Variants in LNX2 observed in about 807,000 individuals in gnomAD.
The protein encoded by LNX2 is ligand of Numb protein X 2.
In LNX2, 35 loss-of-function variants were observed where a neutral mutation model predicts 66.2. That is an observed-to-expected ratio of 0.53 (90% confidence interval 0.40 to 0.70). The LOEUF (loss-of-function observed/expected upper bound fraction) is 0.70, where lower values mean the gene tolerates loss of function less well. LNX2 is among the 30% of genes least tolerant of loss of function. The probability of loss-of-function intolerance (pLI) is 0.00; values close to 1 mark genes in which losing one functional copy is unlikely to be tolerated. For missense variants in LNX2, 791 were observed against 850.8 expected, an observed-to-expected ratio of 0.93 and a Z score of 0.87; for synonymous variants, 337 against 315.6, an observed-to-expected ratio of 1.07 and a Z score of -0.72.
chr13:27,577,616 TA>T (rs1398834375), intron 2 of LNX2, among the ~76,000 whole-genome samples: 5 of 152,224 alleles, frequency 3.3e-5, no homozygotes, highest in African/African-American at 1.2e-4. Context: ...AACTTGAACT[TA>T]AGGTTTCATA....
intron 1 of LNX2, among the ~76,000 whole-genome samples, chr13:27,606,308 C>A (rs1955715148): frequency 6.7e-6 from 1 of 149,024 alleles, no homozygotes; most frequent in Admixed American, 6.7e-5. Flanking sequence ...ATGAAGATGC[C>A]CAGATTAATT....
chr13:27,588,021 C>CAAAAA (rs56812051), intron 1 of LNX2, among the ~76,000 whole-genome samples: 19 of 93,504 alleles, frequency 2.0e-4, no homozygotes, highest in Non-Finnish European at 2.9e-4. Flanking sequence ...ACTCTTGTCA[C>CAAAAA]AAAAAAAAAA....
At chr13:27,619,033 G>A (rs1268494001) in intron 1 of LNX2, among the ~76,000 whole-genome samples, 6 of 152,362 alleles carry the variant, frequency 3.9e-5, no homozygotes, top group African/African-American at 1.4e-4. Flanking sequence ...TGGCTGGCAT[G>A]CAGTAGGTAC....
intron 6 of LNX2, among the ~76,000 whole-genome samples, chr13:27,557,310 T>C (rs188015790): frequency 2.0e-5 from 3 of 152,220 alleles, no homozygotes; most frequent in Admixed American, 1.3e-4. Flanking sequence ...AGGGAGGTCA[T>C]GTAACTTGTC....
At chr13:27,583,206 GT>G (rs1955425771) in intron 1 of LNX2, among the ~76,000 whole-genome samples, 8 of 18,012 alleles carry the variant, frequency 4.4e-4, no homozygotes, top group Non-Finnish European at 6.3e-4. Flanking sequence ...GTGTGTGTGT[GT>G]GTGTGTGTGT....
intron 2 of LNX2, among the ~76,000 whole-genome samples, chr13:27,574,618 G>A (rs192126866): frequency 1.3e-5 from 2 of 151,968 alleles, no homozygotes; most frequent in Non-Finnish European, 1.5e-5. Context: ...CAAAAGGAGA[G>A]AGAGTGAAAG....
intron 1 of LNX2, among the ~76,000 whole-genome samples, chr13:27,590,883 C>T (rs76207466): frequency 0.039 from 5,896 of 152,134 alleles, 140 homozygotes; most frequent in East Asian, 0.093. Context: ...GCTTTCAAAG[C>T]TAATCAGTGA....
At chr13:27,568,132 T>C (rs1955228768) in intron 3 of LNX2, among the ~76,000 whole-genome samples, 1 of 152,158 alleles carries the variant, frequency 6.6e-6, no homozygotes, top group Admixed American at 6.5e-5. Flanking sequence ...TCTGTCCTCA[T>C]TGATGAGAGA....
At chr13:27,598,351 G>A (rs1206130885) in intron 1 of LNX2, among the ~76,000 whole-genome samples, 3 of 152,098 alleles carry the variant, frequency 2.0e-5, no homozygotes, top group Non-Finnish European at 1.5e-5. Context: ...CAAGAACACA[G>A]GACAAGGACA....
chr13:27,591,895 T>C (rs1955549334), intron 1 of LNX2, among the ~76,000 whole-genome samples: 1 of 152,202 alleles, frequency 6.6e-6, no homozygotes. Context: ...CATTTGAATT[T>C]AAAACCAAAA....
At chr13:27,572,562 G>A (rs770379039) in intron 2 of LNX2, among the ~76,000 whole-genome samples, 1 of 152,178 alleles carries the variant, frequency 6.6e-6, no homozygotes, top group Non-Finnish European at 1.5e-5. Flanking sequence ...TCTTGCAGCA[G>A]CCAAGACCCA....
At chr13:27,598,530 A>G (rs1000844618) in intron 1 of LNX2, among the ~76,000 whole-genome samples, 1 of 152,168 alleles carries the variant, frequency 6.6e-6, no homozygotes, top group African/African-American at 2.4e-5. Flanking sequence ...AACTTACTTT[A>G]TATCAGGCAT....
chr13:27,559,999 A>G lies in LNX2; in HGVS notation c.1225-14T>C. ...CTCTCCACTGGCCTGGAGAAAACAC[A>G]AATACATTACCATAAGTGACTAATG... On this transcript the variant is annotated splice_polypyrimidine_tract_variant and intron_variant, in intron 5 of 9. Coordinates refer to ENST00000316334, the MANE Select transcript of LNX2 (RefSeq NM_153371.4). 1 of 1,584,786 alleles carries G rather than the reference A, an allele frequency of 6.3e-7. No homozygotes were observed. Among genetic ancestry groups the G allele is most frequent in the Non-Finnish European group, 8.6e-7 (1 of 1,164,914 alleles).
intron 1 of LNX2, among the ~76,000 whole-genome samples, chr13:27,618,514 A>G (rs983654736): frequency 5.9e-5 from 9 of 152,250 alleles, no homozygotes; most frequent in African/African-American, 1.2e-4. Flanking sequence ...GACGCTGCAG[A>G]TATCTTTCTG....
At chr13:27,577,473 C>G (rs1327782969) in intron 2 of LNX2, among the ~76,000 whole-genome samples, 1 of 151,956 alleles carries the variant, frequency 6.6e-6, no homozygotes, top group Non-Finnish European at 1.5e-5. Context: ...TTTGGCTTCC[C>G]TGGGCCACAC....
chr13:27,604,297 C>T (rs1202726513), intron 1 of LNX2, among the ~76,000 whole-genome samples: 3 of 152,228 alleles, frequency 2.0e-5, no homozygotes, highest in African/African-American at 7.2e-5. Context: ...TGCTATGGTA[C>T]CCTCTCAGAT....
chr13:27,599,159 C>G (rs902619164), intron 1 of LNX2, among the ~76,000 whole-genome samples: 2 of 152,104 alleles, frequency 1.3e-5, no homozygotes, highest in Admixed American at 1.3e-4. Flanking sequence ...TTTGAGCTGC[C>G]TATCAATCTC....
At chr13:27,556,139 A>G in intron 7 of LNX2, 97 bp downstream of exon 7, 2 of 1,191,494 alleles carry the variant, frequency 1.7e-6, no homozygotes, top group Non-Finnish European at 2.3e-6. Flanking sequence ...TAAAAAAGTC[A>G]TGTTTAATAG....
intron 2 of LNX2, among the ~76,000 whole-genome samples, chr13:27,570,443 G>A (rs920730906): frequency 9.2e-5 from 14 of 152,014 alleles, no homozygotes; most frequent in Non-Finnish European, 2.9e-5. Context: ...TTAAATCCTG[G>A]ATTTCAAGTT....
Sources: gnomAD v4.1 joint callset for allele counts (sites outside exome capture counted in the v4.1 genomes callset) on GRCh38, gnomAD v4.1.1 for gene constraint, MANE v1.5 for transcripts, NCBI Gene and HGNC (gene_info 2026-07-23, HGNC 2026-07-21) for gene names.